COIL: variants seen among roughly 807,000 people sequenced by gnomAD.
COIL encodes the protein coilin p80.
A neutral mutation model predicts 51.6 loss-of-function variants in COIL; 28 were observed. The ratio of observed to expected loss-of-function variants is 0.54; its 90% CI spans 0.40 to 0.74. COIL has a LOEUF of 0.74. Ranked by LOEUF, COIL falls within the 30% of genes least tolerant of loss-of-function variation. The pLI is 0.00. For missense variants in COIL, 667 were observed against 685.9 expected (o/e 0.97, Z 0.31); for synonymous variants, 233 against 255.8 (o/e 0.91, Z 0.85).
Position 56,941,934 on chromosome 17 carries a change from T to C in COIL, c.1647+101A>G, listed in dbSNP as rs955851629. Reference sequence around the variant, plus strand: ...ATTGCCACACCATAAGAAGGTCAGATTCCCCCCAGGGCCTGTAGTGCAATG... The same window carrying C: ...ATTGCCACACCATAAGAAGGTCAGACTCCCCCCAGGGCCTGTAGTGCAATG... On this transcript the variant is annotated intron_variant, in intron 6 of 6. Coordinates refer to ENST00000240316, the MANE Select transcript of COIL (RefSeq NM_004645.3). 2.6e-5 allele frequency: 25 copies of C among 948,000 alleles called. No individual in the cohort carries two copies. In the East Asian group the frequency reaches 4.6e-4, roughly 17 times the overall value. 58.7% of individuals were successfully genotyped at this position (948,000 alleles called of 1,614,324 possible).
intron 1 of COIL, 30 bp from the exon 2 acceptor site, chr17:56,951,026 G>T: frequency 6.4e-7 from 1 of 1,563,562 alleles, no homozygotes; most frequent in Non-Finnish European, 8.6e-7. Context: ...GAAAGCTAGA[G>T]TGAGCAATTT....
At chr17:56,957,972 T>A (rs1328508714) in intron 1 of COIL, among the ~76,000 whole-genome samples, 3 of 152,266 alleles carry the variant, frequency 2.0e-5, no homozygotes, top group South Asian at 4.1e-4. Context: ...CCTCAAAGGC[T>A]GTTTCTCAGG....
chr17:56,939,251 G>A, intron 6 of COIL, 97 bp from the exon 7 acceptor site: 1 of 701,648 alleles, frequency 1.4e-6, no homozygotes, highest in Admixed American at 2.3e-5. Context: ...TAGAATGATT[G>A]AAGAACGGGA....
intron 5 of COIL, among the ~76,000 whole-genome samples, chr17:56,944,844 C>T (rs1163659882): frequency 3.3e-5 from 5 of 151,576 alleles, no homozygotes; most frequent in Non-Finnish European, 5.9e-5. Context: ...GGTAAAACCC[C>T]GTCTCTACTA....
At chr17:56,956,263 C>T (rs1328286712) in intron 1 of COIL, among the ~76,000 whole-genome samples, 6 of 152,106 alleles carry the variant, frequency 3.9e-5, no homozygotes, top group African/African-American at 1.2e-4. Flanking sequence ...GTTTGAGATG[C>T]GGTCTTGCTC....
chr17:56,959,091 TC>T (rs1910533058), intron 1 of COIL, among the ~76,000 whole-genome samples: 1 of 151,908 alleles, frequency 6.6e-6, no homozygotes, highest in East Asian at 1.9e-4. Flanking sequence ...ACGCCTGTAA[TC>T]CCAGTGCTTT....
At chr17:56,942,165 T>C (rs1910162326) in intron 5 of COIL, 42 bp from the exon 6 acceptor site, 2 of 1,480,268 alleles carry the variant, frequency 1.4e-6, no homozygotes, top group Non-Finnish European at 1.9e-6. Flanking sequence ...AAGTCATTTT[T>C]CAATAGTTAA....
At position 56,951,002 on chromosome 17, in the gene COIL, A is replaced by G; in HGVS notation, c.246-6T>C. On this transcript the variant is annotated splice_region_variant and splice_polypyrimidine_tract_variant and intron_variant, in intron 1 of 6. Coordinates refer to ENST00000240316, the MANE Select transcript of COIL (RefSeq NM_004645.3). ...CTCTCTCTTCTAATTTAACTCTGTCAAAAGAACAAGAGAGAAAGCTAGAGT... is the reference window on the plus strand; with the variant it reads ...CTCTCTCTTCTAATTTAACTCTGTCGAAAGAACAAGAGAGAAAGCTAGAGT... 1.3e-6 allele frequency: 2 copies of G among 1,593,436 alleles called. No individual in the cohort carries two copies. Among genetic ancestry groups the G allele is most frequent in the South Asian group, 2.3e-5 (2 of 88,652 alleles).
intron 4 of COIL, among the ~76,000 whole-genome samples, chr17:56,948,937 A>C (rs1205231490): frequency 6.6e-6 from 1 of 151,912 alleles, no homozygotes; most frequent in Non-Finnish European, 1.5e-5. Flanking sequence ...AGGAATGAAT[A>C]CCCAAATAAG....
In COIL at chr17:56,960,817, G is replaced by T; in HGVS notation, c.203C>A (p.Pro68His). The change falls in exon 1 of 7, where the codon CCC (proline) becomes CAC (histidine). Residue 68 changes from proline to histidine, a missense_variant. Transcript: ENST00000240316. ...GLYLEGGLLP[P>H]AESARLVRDN... is the part of the protein sequence containing the mutation. ...TCTCACAAGGCGCGCGCTCTCGGCG[G>T]GGGGCAAGAGCCCCCCCTCCAGGTA... 1 of 1,589,908 alleles carries T rather than the reference G, an allele frequency of 6.3e-7. No homozygotes were observed. Among genetic ancestry groups the T allele is most frequent in the Non-Finnish European group, 8.5e-7 (1 of 1,170,462 alleles).
chr17:56,961,011 A>G lies in COIL; in HGVS notation c.9T>C (p.Ala3=). The change falls in exon 1 of 7, where the codon GCT becomes GCC. Residue 3 remains alanine, a synonymous_variant. Transcript: ENST00000240316. Reference sequence around the variant, plus strand: ...GAAGCCGTAGCCTAACCGTCTCGGAAGCTGCCATCTTGCTTGGTGCTCAAC... The same window carrying G: ...GAAGCCGTAGCCTAACCGTCTCGGAGGCTGCCATCTTGCTTGGTGCTCAAC... The part of the protein sequence containing the change: MA[A]SETVRLRLQF... 6.2e-7 allele frequency: 1 copy of G among 1,613,604 alleles called. No individual in the cohort carries two copies. The highest frequency in any genetic ancestry group is 8.5e-7 in the Non-Finnish European group (1 of 1,179,794).
chr17:56,942,000 A>T (rs945352912), intron 6 of COIL, 35 bp downstream of exon 6: 2 of 1,529,184 alleles, frequency 1.3e-6, no homozygotes, highest in Non-Finnish European at 1.8e-6. Context: ...GAGAGAACGA[A>T]TGGCCAAGCA....
At chr17:56,945,966 T>C (rs1910241941) in intron 5 of COIL, among the ~76,000 whole-genome samples, 1 of 152,230 alleles carries the variant, frequency 6.6e-6, no homozygotes, top group South Asian at 2.1e-4. Context: ...TCCACCAACC[T>C]TGGCCTCCCA....
chr17:56,952,262 A>G, intron 1 of COIL: 3 of 488,016 alleles, frequency 6.1e-6, no homozygotes, highest in Non-Finnish European at 1.2e-5. Context: ...GTGCAACTCA[A>G]AGATCTAGAA....
chr17:56,947,383 G>A (rs762829234), intron 4 of COIL, among the ~76,000 whole-genome samples: 2 of 152,156 alleles, frequency 1.3e-5, no homozygotes, highest in African/African-American at 4.8e-5. Flanking sequence ...AAATGTTTTT[G>A]AAAGCAATTT....
intron 1 of COIL, among the ~76,000 whole-genome samples, chr17:56,954,064 T>C (rs1194353829): frequency 1.3e-5 from 2 of 152,166 alleles, no homozygotes; most frequent in Non-Finnish European, 2.9e-5. Context: ...CAAGCTTCAA[T>C]TCTGAGATGA....
Position 56,960,881 on chromosome 17 carries a change from G to C in COIL, c.139C>G (p.Gln47Glu). The change falls in exon 1 of 7, where the codon CAG becomes GAG. Residue 47 changes from glutamine to glutamate, a missense_variant. Gln to Glu is a conservative substitution (Grantham distance 29). Coordinates refer to ENST00000240316, the MANE Select transcript of COIL (RefSeq NM_004645.3). ...GCCCCAGAACTGAAGCCGAAGCGCT[G>C]GCGGATGAGACTAATGAGATCTGTG... The part of the protein sequence containing the change: ...VVTDLISLIR[Q>E]RFGFSSGAFL... 1 of 1,614,188 alleles carries C rather than the reference G, an allele frequency of 6.2e-7. No homozygotes were observed. Among genetic ancestry groups the C allele is most frequent in the Non-Finnish European group, 8.5e-7 (1 of 1,180,002 alleles).
chr17:56,939,609 G>A (rs369480083), intron 6 of COIL, among the ~76,000 whole-genome samples: 43 of 152,168 alleles, frequency 2.8e-4, no homozygotes, highest in African/African-American at 1.2e-4. Flanking sequence ...GCATGGTGAC[G>A]CATGCCTGTA....
intron 1 of COIL, among the ~76,000 whole-genome samples, chr17:56,957,789 CA>C (rs1910511372): frequency 6.6e-6 from 1 of 152,136 alleles, no homozygotes. Flanking sequence ...CAAACTAACA[CA>C]GGGGGCTCCA....
Sources: allele counts gnomAD v4.1 joint callset (sites outside exome capture counted in the v4.1 genomes callset), GRCh38; gene constraint gnomAD v4.1.1; transcripts MANE v1.5; gene names NCBI Gene and HGNC (gene_info 2026-07-23, HGNC 2026-07-21).